The following GPC6 variants were observed in gnomAD, a reference collection of about 807,000 sequenced individuals.
GPC6 encodes the protein glypican-6.
A neutral mutation model predicts 55.2 loss-of-function variants in GPC6; 14 were observed. The ratio of observed to expected loss-of-function variants is 0.25; its 90% CI spans 0.17 to 0.40. The LOEUF is 0.40. Ranked by LOEUF, GPC6 falls within the 10% of genes least tolerant of loss-of-function variation. The probability of loss-of-function intolerance (pLI) is 1.00; values close to 1 mark genes in which losing one functional copy is unlikely to be tolerated. For synonymous variants in GPC6, 278 were observed against 259.6 expected, an observed-to-expected ratio of 1.07 and a Z score of -0.68; for missense variants, 641 against 708.5, an observed-to-expected ratio of 0.90 and a Z score of 1.08.
At chr13:93,477,783 T>G (rs184254090) in intron 1 of GPC6, among the ~76,000 whole-genome samples, 1 of 152,180 alleles carries the variant, frequency 6.6e-6, no homozygotes, top group African/African-American at 2.4e-5. Flanking sequence ...AAGAAGCTAG[T>G]ATTTGAGAGT....
chr13:94,309,241 G>A (rs753664774), intron 6 of GPC6, among the ~76,000 whole-genome samples: 7 of 152,144 alleles, frequency 4.6e-5, no homozygotes, highest in Middle Eastern at 3.4e-3. Context: ...CACCCCTTTT[G>A]CCAAAATGAA....
intron 2 of GPC6, among the ~76,000 whole-genome samples, chr13:93,653,084 A>C (rs1880489300): frequency 6.6e-6 from 1 of 152,222 alleles, no homozygotes; most frequent in Non-Finnish European, 1.5e-5. Context: ...TTACACATAA[A>C]GCAGTGGCTT....
At chr13:94,069,474 T>C (rs990204137) in intron 4 of GPC6, among the ~76,000 whole-genome samples, 1 of 152,250 alleles carries the variant, frequency 6.6e-6, no homozygotes, top group African/African-American at 2.4e-5. Context: ...TCATTACTTA[T>C]GCAAATTTCT....
chr13:93,863,490 G>T (rs904293915), intron 3 of GPC6, among the ~76,000 whole-genome samples: 5 of 151,568 alleles, frequency 3.3e-5, no homozygotes, highest in Admixed American at 3.3e-4. Context: ...TTAGCCAAAG[G>T]CCTTATGTTT....
intron 2 of GPC6, among the ~76,000 whole-genome samples, chr13:93,775,271 C>A (rs1885430633): frequency 6.6e-6 from 1 of 152,186 alleles, no homozygotes; most frequent in African/African-American, 2.4e-5. Flanking sequence ...TCCCGAGTAG[C>A]TGGGACCATA....
chr13:93,676,294 G>A (rs929147665), intron 2 of GPC6, among the ~76,000 whole-genome samples: 3 of 150,934 alleles, frequency 2.0e-5, no homozygotes, highest in South Asian at 2.1e-4. Context: ...GTGCATGCCC[G>A]TAATCCCAGC....
Position 93,714,100 on chromosome 13 carries a change from A to G in GPC6, c.320-116054A>G, listed in dbSNP as rs530757897. ...AAATTGACAAGTGGGACCTAATTAA[A>G]CTGTCGAGCTTCTACATAGCAAAAG... On this transcript the variant is annotated intron_variant, in intron 2 of 8. Coordinates refer to ENST00000377047, the MANE Select transcript of GPC6 (RefSeq NM_005708.5). Among the ~76,000 whole-genome samples the G allele has an allele frequency of 2.6e-5, 4 of 152,048 alleles. No homozygotes were observed. In the East Asian group the frequency reaches 5.8e-4, roughly 22 times the overall value.
At chr13:93,748,390 AT>A (rs566836786) in intron 2 of GPC6, among the ~76,000 whole-genome samples, 10 of 149,516 alleles carry the variant, frequency 6.7e-5, no homozygotes, top group African/African-American at 1.7e-4. Flanking sequence ...TTGTGATTTA[AT>A]TTTTTTTTGC....
chr13:94,402,792 G>T (rs554672280), intron 8 of GPC6, among the ~76,000 whole-genome samples: 1 of 152,076 alleles, frequency 6.6e-6, no homozygotes, highest in Non-Finnish European at 1.5e-5. Flanking sequence ...GCCAAGCCGT[G>T]GGGGAAGAGC....
chr13:93,736,801 G>T (rs1884019280), intron 2 of GPC6, among the ~76,000 whole-genome samples: 1 of 152,070 alleles, frequency 6.6e-6, no homozygotes, highest in Non-Finnish European at 1.5e-5. Flanking sequence ...TTCTTGGATG[G>T]AAGGTACATG....
chr13:93,587,427 A>G (rs1311992420), intron 2 of GPC6, among the ~76,000 whole-genome samples: 1 of 152,216 alleles, frequency 6.6e-6, no homozygotes, highest in Admixed American at 6.5e-5. Context: ...ATCTTTATTT[A>G]ATTGAAGGAT....
At chr13:93,242,084 C>G (rs1876451458) in intron 1 of GPC6, among the ~76,000 whole-genome samples, 1 of 152,002 alleles carries the variant, frequency 6.6e-6, no homozygotes, top group Non-Finnish European at 1.5e-5. Flanking sequence ...GTACTTTTTT[C>G]CCCAGTATTT....
chr13:93,879,546 C>T (rs1479793312), intron 3 of GPC6, among the ~76,000 whole-genome samples: 1 of 151,476 alleles, frequency 6.6e-6, no homozygotes, highest in African/African-American at 2.4e-5. Flanking sequence ...TTCCTTACAC[C>T]TTATACAAAA....
chr13:93,961,180 T>G (rs1023198157), intron 3 of GPC6, among the ~76,000 whole-genome samples: 1 of 152,188 alleles, frequency 6.6e-6, no homozygotes, highest in Non-Finnish European at 1.5e-5. Context: ...TGTCACTAGA[T>G]GCCATTTAAA....
At chr13:93,310,379 T>C (rs921036244) in intron 1 of GPC6, among the ~76,000 whole-genome samples, 1 of 152,188 alleles carries the variant, frequency 6.6e-6, no homozygotes, top group East Asian at 1.9e-4. Flanking sequence ...GTTTTGACTT[T>C]TTTGTTGAAG....
intron 4 of GPC6, among the ~76,000 whole-genome samples, chr13:94,060,720 A>T (rs1227466843): frequency 5.9e-5 from 9 of 152,196 alleles, no homozygotes; most frequent in Non-Finnish European, 1.3e-4. Flanking sequence ...TTTAGAGGTC[A>T]TCACTCAATC....
At chr13:94,369,074 GT>G (rs200635694) in intron 6 of GPC6, among the ~76,000 whole-genome samples, 5 of 151,906 alleles carry the variant, frequency 3.3e-5, no homozygotes, top group Admixed American at 2.6e-4. Flanking sequence ...ATTCACATTG[GT>G]TTTTTTCCTT....
At chr13:94,382,281 T>C (rs2139207248) in intron 6 of GPC6, 133 bp from the exon 7 acceptor site, 1 of 911,278 alleles carries the variant, frequency 1.1e-6, no homozygotes, top group Non-Finnish European at 1.8e-6. Flanking sequence ...GCAGTGTCTC[T>C]CTCTTAAAAC....
At chr13:93,337,437 A>G (rs960031827) in intron 1 of GPC6, among the ~76,000 whole-genome samples, 4 of 152,066 alleles carry the variant, frequency 2.6e-5, no homozygotes, top group Non-Finnish European at 4.4e-5. Context: ...ACTGCTTTAT[A>G]TGTATCTACT....
Sources: gnomAD v4.1 joint callset for allele counts (sites outside exome capture counted in the v4.1 genomes callset) on GRCh38, gnomAD v4.1.1 for gene constraint, MANE v1.5 for transcripts, NCBI Gene and HGNC (gene_info 2026-07-23, HGNC 2026-07-21) for gene names.